The following GPAM variants were observed in gnomAD, a reference collection of about 807,000 sequenced individuals.
GPAM encodes glycerol-3-phosphate acyltransferase, mitochondrial.
GPAM carries 56 observed loss-of-function variants against 105.0 expected under a neutral mutation model. That is an observed-to-expected ratio of 0.53 (90% confidence interval 0.43 to 0.67). GPAM has a LOEUF of 0.67. GPAM is among the 30% of genes least tolerant of loss of function. The pLI, the probability that GPAM is intolerant of heterozygous loss-of-function variation, is 0.00. For synonymous variants in GPAM, 368 were observed against 354.4 expected, an observed-to-expected ratio of 1.04 and a Z score of -0.43; for missense variants, 855 against 989.8, an observed-to-expected ratio of 0.86 and a Z score of 1.83.
chr10:112,219,799 C>T (rs1848002319), upstream of GPAM, among the ~76,000 whole-genome samples: 1 of 152,160 alleles, frequency 6.6e-6, no homozygotes, highest in Non-Finnish European at 1.5e-5. Context: ...TGCCTTTAAC[C>T]TCCAAAATGC....
chr10:112,194,791 C>G (rs143390690), intron 1 of GPAM, among the ~76,000 whole-genome samples: 211 of 152,252 alleles, frequency 1.4e-3, no homozygotes, highest in Non-Finnish European at 2.5e-3. Flanking sequence ...TTTCTACCCC[C>G]CTAGATGTTT....
chr10:112,177,317 C>T (rs758139564), intron 5 of GPAM, among the ~76,000 whole-genome samples: 1 of 152,140 alleles, frequency 6.6e-6, no homozygotes, highest in Non-Finnish European at 1.5e-5. Flanking sequence ...TCATCTGAGC[C>T]TATCTGCCTG....
At chr10:112,200,423 G>A (rs1343820445) in intron 1 of GPAM, among the ~76,000 whole-genome samples, 2 of 151,708 alleles carry the variant, frequency 1.3e-5, no homozygotes, top group Non-Finnish European at 2.9e-5. Context: ...GAGTAGCTGG[G>A]ACCACAGGTG....
chr10:112,202,210 T>A lies in GPAM; in HGVS notation n.210+12958A>T, dbSNP rs114986855. On this transcript the variant is annotated intron_variant and non_coding_transcript_variant, in intron 1 of 3. Transcript: ENST00000480130. ...CCTGGTCACAACTACTCAACCCTTT[T>A]GTAGCATAAAAGCAGCCTTAGACAG... 7.1e-3 allele frequency among the ~76,000 whole-genome samples: 1,085 copies of A among 152,336 alleles called. 12 individuals are homozygous for A. The highest frequency in any genetic ancestry group is 0.025 in the African/African-American group (1,043 of 41,590).
At chr10:112,180,744 A>T in intron 3 of GPAM, 149 bp from the exon 4 acceptor site, 1 of 714,004 alleles carries the variant, frequency 1.4e-6, no homozygotes, top group Non-Finnish European at 2.4e-6. Flanking sequence ...CATGATCAAC[A>T]CTTGGATAAA....
In GPAM at chr10:112,151,357, TG is replaced by T. The variant is rs1846915702; in HGVS notation, c.*2192del. On this transcript the variant is annotated 3_prime_UTR_variant, in exon 22 of 22. Transcript: ENST00000348367. The stretch of plus-strand genomic sequence containing the variant: ...TTTTTTGTTTTCAGTCATGAGGCAC[TG>T]AAGAATGAGTTGTGCTGAAATTAAC... 2.0e-6 allele frequency: 2 copies of T among 985,686 alleles called. No homozygotes were observed. Among genetic ancestry groups the T allele is most frequent in the African/African-American group, 1.7e-5 (1 of 57,240 alleles). 61.1% of individuals were successfully genotyped at this position (985,686 alleles called of 1,614,324 possible).
Position 112,160,709 on chromosome 10 carries a change from T to A in GPAM, c.1654A>T (p.Asn552Tyr). The change falls in exon 16 of 22, where the codon AAC becomes TAC. Residue 552 changes from asparagine to tyrosine, a missense_variant. Physicochemically the swap from Asn to Tyr is moderately radical, Grantham distance 143 (BLOSUM62 -2). Coordinates refer to ENST00000348367, the MANE Select transcript of GPAM (RefSeq NM_001244949.2). ...NCVTITHTSR[N>Y]DEFFITPSTT... ...CTGGGGGTGATAAAAAACTCATCGT[T>A]CCTGCTAGTGTGGGTGATTGTGACA... 1 of 1,614,004 alleles carries A rather than the reference T, an allele frequency of 6.2e-7. No individual in the cohort carries two copies.
chr10:112,157,065 T>C, intron 19 of GPAM, 184 bp downstream of exon 19: 1 of 650,306 alleles, frequency 1.5e-6, no homozygotes, highest in Non-Finnish European at 2.7e-6. Flanking sequence ...CTCCTTTCCT[T>C]TTCTACTTAA....
chr10:112,156,183 G>A, intron 19 of GPAM, 130 bp from the exon 20 acceptor site: 1 of 701,842 alleles, frequency 1.4e-6, no homozygotes. Flanking sequence ...CTACATGAAA[G>A]CGGCCCCCTG....
intron 1 of GPAM, among the ~76,000 whole-genome samples, chr10:112,204,215 T>C (rs1269420950): frequency 3.3e-5 from 5 of 152,072 alleles, no homozygotes; most frequent in Admixed American, 1.3e-4. Context: ...AACAATGCTG[T>C]CTGCAAATCT....
intron 1 of GPAM, among the ~76,000 whole-genome samples, chr10:112,206,625 C>T (rs1169779228): frequency 2.5e-5 from 3 of 118,674 alleles, no homozygotes; most frequent in African/African-American, 3.4e-5. Flanking sequence ...ACAATGAGAT[C>T]ACATGGACAC....
At chr10:112,216,636 T>G (rs2133312769), upstream of GPAM, among the ~76,000 whole-genome samples, 1 of 151,732 alleles carries the variant, frequency 6.6e-6, no homozygotes, top group African/African-American at 2.4e-5. Flanking sequence ...TTTTTTTGTT[T>G]TTTTTGAGAC....
At chr10:112,219,520 A>AGT (rs1297389932), upstream of GPAM, among the ~76,000 whole-genome samples, 1 of 152,206 alleles carries the variant, frequency 6.6e-6, no homozygotes, top group Non-Finnish European at 1.5e-5. Flanking sequence ...TACAGAACTC[A>AGT]GTACATATCA....
intron 12 of GPAM, among the ~76,000 whole-genome samples, chr10:112,166,138 T>C: frequency 6.6e-6 from 1 of 152,126 alleles, no homozygotes; most frequent in East Asian, 1.9e-4. Context: ...TTGTTCCCCT[T>C]AGATGGTCAT....
Position 112,152,587 on chromosome 10 carries a change from C to T in GPAM, c.*963G>A. On this transcript the variant is annotated 3_prime_UTR_variant, in exon 22 of 22. Transcript: ENST00000348367. ...GTGCAGTACAGAAAGCCCTCATCAG[C>T]TGTGGCCAGAGAACTGTATTCTAAC... is the stretch of plus-strand genomic sequence containing the variant. 1.0e-6 allele frequency: 1 copy of T among 985,424 alleles called. No homozygotes were observed. The highest frequency in any genetic ancestry group is 1.7e-5 in the African/African-American group (1 of 57,358). The allele number at this position is 985,424 out of a possible 1,614,324, so 61.0% of individuals were successfully genotyped here.
intron 9 of GPAM, among the ~76,000 whole-genome samples, chr10:112,170,335 G>C (rs1343145776): frequency 6.6e-6 from 1 of 152,104 alleles, no homozygotes; most frequent in Non-Finnish European, 1.5e-5. Context: ...TTGTGAATGG[G>C]TAGACTGTCA....
chr10:112,213,478 A>G (rs1847935244), intron 1 of GPAM, among the ~76,000 whole-genome samples: 2 of 152,184 alleles, frequency 1.3e-5, no homozygotes, highest in Non-Finnish European at 2.9e-5. Context: ...CGGGTGTCAC[A>G]GATTCCTAGG....
intron 3 of GPAM, among the ~76,000 whole-genome samples, chr10:112,180,904 C>CTT (rs1234256960): frequency 1.3e-5 from 2 of 152,164 alleles, no homozygotes; most frequent in Non-Finnish European, 2.9e-5. Context: ...GATCTCTAGT[C>CTT]TAACAATTAA....
intron 10 of GPAM, 138 bp downstream of exon 10, chr10:112,168,715 A>G: frequency 1.3e-6 from 1 of 751,642 alleles, no homozygotes. Flanking sequence ...CAACAACAAC[A>G]AATTACCAAA....
Sources: gnomAD v4.1 joint callset for allele counts (sites outside exome capture counted in the v4.1 genomes callset) on GRCh38, gnomAD v4.1.1 for gene constraint, MANE v1.5 for transcripts, NCBI Gene and HGNC (gene_info 2026-07-23, HGNC 2026-07-21) for gene names.